The following LCORL variants were observed in gnomAD, a reference collection of about 807,000 sequenced individuals.
LCORL encodes the protein ligand-dependent nuclear receptor corepressor-like protein.
A neutral mutation model predicts 141.8 loss-of-function variants in LCORL; 41 were observed. The ratio of observed to expected loss-of-function variants is 0.29; its 90% CI spans 0.23 to 0.38. The LOEUF is 0.38. Among genes scored for constraint, LCORL ranks in the 10% least tolerant of loss-of-function variants. The pLI, the probability that LCORL is intolerant of heterozygous loss-of-function variation, is 1.00. For synonymous variants in LCORL, 618 were observed against 694.1 expected (o/e 0.89, Z 1.72); for missense variants, 1,759 against 2,035.0 (o/e 0.86, Z 2.61).
chr4:17,970,157 T>A (rs2109653164), intron 2 of LCORL, among the ~76,000 whole-genome samples: 1 of 152,300 alleles, frequency 6.6e-6, no homozygotes, highest in South Asian at 2.1e-4. Flanking sequence ...AGTACCATAG[T>A]ACGGTGGAAA....
At chr4:17,867,759 T>C (rs1473348575) in intron 7 of LCORL, among the ~76,000 whole-genome samples, 1 of 152,138 alleles carries the variant, frequency 6.6e-6, no homozygotes, top group East Asian at 1.9e-4. Context: ...GGGCAATTAG[T>C]AAAACAGAAT....
At position 18,021,719 on chromosome 4, in the gene LCORL, G is replaced by A. The variant is rs771396431; in HGVS notation, c.33C>T (p.Ala11=). ...CGGCGGCGGCGGCAGCAGCGGCGGC[G>A]GCAGCGGCCATTCTCTCTCTTCCCT... is the stretch of plus-strand genomic sequence containing the variant. The change falls in exon 1 of 8, where the codon GCC becomes GCT. Residue 11 remains alanine (A), a synonymous_variant. Transcript: ENST00000635767. The surrounding 1 kb of genome is among the most constrained non-coding windows in gnomAD (Gnocchi z 5.5). The A allele has an allele frequency of 4.6e-5, 70 of 1,525,634 alleles. No homozygotes were observed. The African/African-American group carries it at 5.5e-4, about 12-fold the overall frequency. The allele number at this position is 1,525,634 out of a possible 1,614,324, so 94.5% of individuals were successfully genotyped here.
At chr4:17,947,622 T>C (rs1739087454) in intron 4 of LCORL, among the ~76,000 whole-genome samples, 1 of 151,996 alleles carries the variant, frequency 6.6e-6, no homozygotes, top group Non-Finnish European at 1.5e-5. Context: ...TTTATTTAAT[T>C]ATTCCAAGTT....
At chr4:17,845,491 A>T (rs534489787) in exon 8 of LCORL, 5 of 370,348 alleles carry the variant, frequency 1.4e-5, no homozygotes, top group Non-Finnish European at 2.4e-5. Context: ...AAATTCACAT[A>T]ATACCACTAA....
chr4:17,868,076 A>T (rs1023767352), intron 7 of LCORL, among the ~76,000 whole-genome samples: 10 of 152,178 alleles, frequency 6.6e-5, no homozygotes, highest in African/African-American at 2.2e-4. Context: ...TTGTACTTAA[A>T]GTAATCATTT....
chr4:17,883,005 T>C (rs1472807332), intron 6 of LCORL: 2 of 969,966 alleles, frequency 2.1e-6, no homozygotes, highest in South Asian at 4.8e-5. Flanking sequence ...AAGGGTTCTA[T>C]AGCTGCTGGG....
intron 1 of LCORL, among the ~76,000 whole-genome samples, chr4:18,011,311 C>T (rs1723738356): frequency 6.6e-6 from 1 of 152,056 alleles, no homozygotes; most frequent in Admixed American, 6.6e-5. Context: ...TTTAAAAGGG[C>T]TGCTTTAATT....
intron 4 of LCORL, among the ~76,000 whole-genome samples, chr4:17,920,872 T>C (rs987714311): frequency 1.3e-5 from 2 of 152,188 alleles, no homozygotes; most frequent in African/African-American, 4.8e-5. Flanking sequence ...CTCTTTCTAG[T>C]TCTCTTGCTG....
chr4:17,998,791 CCT>C (rs1721319829), intron 1 of LCORL, among the ~76,000 whole-genome samples: 1 of 150,692 alleles, frequency 6.6e-6, no homozygotes, highest in Admixed American at 6.6e-5. Flanking sequence ...ATAACGAAAC[CCT>C]GTCTCTGCAA....
intron 1 of LCORL, among the ~76,000 whole-genome samples, chr4:18,013,821 T>TC (rs1284850275): frequency 6.6e-6 from 1 of 151,862 alleles, no homozygotes. Flanking sequence ...AGTTGAATTT[T>TC]TTTTTTTTTC....
intron 7 of LCORL, among the ~76,000 whole-genome samples, chr4:17,862,020 G>C (rs758456194): frequency 6.6e-6 from 1 of 152,256 alleles, no homozygotes; most frequent in South Asian, 2.1e-4. Context: ...ACATTTTTCT[G>C]TCTTCTTCTG....
chr4:18,000,919 C>G (rs983881062), intron 1 of LCORL, among the ~76,000 whole-genome samples: 1 of 152,128 alleles, frequency 6.6e-6, no homozygotes, highest in African/African-American at 2.4e-5. Context: ...TTAGAAACAA[C>G]AGTTTACAAA....
intron 1 of LCORL, among the ~76,000 whole-genome samples, chr4:17,982,099 C>CGTGTGTGTGTGTGTGTGTGTGT (rs57094203): frequency 7.3e-6 from 1 of 136,470 alleles, no homozygotes; most frequent in East Asian, 2.2e-4. Flanking sequence ...AGTATTCCAT[C>CGTGTGTGTGTGTGTGTGTGTGT]GTGTGTGTGT....
At chr4:17,956,266 A>C (rs1262055887) in intron 4 of LCORL, among the ~76,000 whole-genome samples, 3 of 152,158 alleles carry the variant, frequency 2.0e-5, no homozygotes, top group Non-Finnish European at 4.4e-5. Flanking sequence ...GCAAGAAACT[A>C]AAAATAGAAC....
At chr4:17,876,025 C>G in exon 7 of LCORL, 1 of 1,230,874 alleles carries the variant, frequency 8.1e-7, no homozygotes, top group Non-Finnish European at 1.0e-6. Context: ...GAAGGGAGAA[C>G]AACATTTGAA....
At chr4:17,924,927 T>C (rs1734882508) in intron 4 of LCORL, among the ~76,000 whole-genome samples, 1 of 152,176 alleles carries the variant, frequency 6.6e-6, no homozygotes, top group South Asian at 2.1e-4. Flanking sequence ...TATGGTACTG[T>C]TTCTCCCATA....
At chr4:17,903,143 T>A (rs1202604915) in intron 5 of LCORL, among the ~76,000 whole-genome samples, 1 of 152,070 alleles carries the variant, frequency 6.6e-6, no homozygotes, top group Non-Finnish European at 1.5e-5. Context: ...AGATTTTTAA[T>A]TTAATAAATA....
At chr4:17,881,056 T>C (rs907921306) in intron 6 of LCORL, 28 of 977,806 alleles carry the variant, frequency 2.9e-5, no homozygotes, top group African/African-American at 1.1e-4. Context: ...AAAGTTAGTA[T>C]ACAATTTAAT....
At chr4:17,925,664 G>T (rs1735007103) in intron 4 of LCORL, among the ~76,000 whole-genome samples, 1 of 151,990 alleles carries the variant, frequency 6.6e-6, no homozygotes, top group African/African-American at 2.4e-5. Flanking sequence ...GAGGTCAGAA[G>T]ATCGAGACCA....
Sources: gnomAD v4.1 joint callset for allele counts (sites outside exome capture counted in the v4.1 genomes callset) on GRCh38, gnomAD v4.1.1 for gene constraint, Gnocchi (gnomAD v3.1) non-coding constraint, MANE v1.5 for transcripts, NCBI Gene and HGNC (gene_info 2026-07-23, HGNC 2026-07-21) for gene names.